The following BMPR2 variants were observed in gnomAD, a reference collection of about 807,000 sequenced individuals.
BMPR2 encodes bone morphogenetic protein receptor type 2, also known as bone morphogenetic protein receptor type-2.
BMPR2 carries 29 observed loss-of-function variants against 100.8 expected under a neutral mutation model. The observed-to-expected ratio is 0.29, with a 90% CI of 0.21 to 0.39. BMPR2 has a LOEUF of 0.39. Among genes scored for constraint, BMPR2 ranks in the 10% least tolerant of loss-of-function variants. The probability of loss-of-function intolerance (pLI) is 1.00; values close to 1 mark genes in which losing one functional copy is unlikely to be tolerated. For synonymous variants in BMPR2, 382 were observed against 442.3 expected, an observed-to-expected ratio of 0.86 and a Z score of 1.71; for missense variants, 1,011 against 1,274.5, an observed-to-expected ratio of 0.79 and a Z score of 3.15.
chr2:202,520,925 A>T (rs879526524), intron 7 of BMPR2: 1 of 154,534 alleles, frequency 6.5e-6, no homozygotes, highest in Non-Finnish European at 1.4e-5. Context: ...GAAAAGGCTG[A>T]AAAGAACATA....
chr2:202,399,174 ACAAGAT>A (rs1033910460), intron 1 of BMPR2, among the ~76,000 whole-genome samples: 2 of 152,166 alleles, frequency 1.3e-5, no homozygotes, highest in Admixed American at 6.5e-5. Flanking sequence ...ACATAAAGGA[ACAAGAT>A]CATTAGAGAT....
chr2:202,434,498 C>T (rs1182685618), intron 1 of BMPR2, among the ~76,000 whole-genome samples: 2 of 150,456 alleles, frequency 1.3e-5, no homozygotes, highest in Non-Finnish European at 2.9e-5. Context: ...GAGTCCTTCT[C>T]CACCATGACA....
At chr2:202,535,345 A>G (rs1293120729) in intron 9 of BMPR2, among the ~76,000 whole-genome samples, 8 of 146,846 alleles carry the variant, frequency 5.4e-5, no homozygotes, top group African/African-American at 2.0e-4. Flanking sequence ...GTTGCCAGGC[A>G]GAGGGTCTCC....
chr2:202,383,046 A>G (rs1466692564), intron 1 of BMPR2, among the ~76,000 whole-genome samples: 2 of 152,212 alleles, frequency 1.3e-5, no homozygotes, highest in East Asian at 1.9e-4. Context: ...TACTTAATCT[A>G]TATCTTTTAT....
rs1690172688 is a variant in BMPR2, at chr2:202,377,419, C to G, written c.-56C>G. On this transcript the variant is annotated 5_prime_UTR_variant, in exon 1 of 13. Transcript: ENST00000374580. ...ACGAGCCTCCCGGCTGTTTCTCCGC[C>G]GGTCTACTTCCCATATTTCTTTTCT... 1.3e-6 allele frequency: 2 copies of G among 1,556,430 alleles called. No individual in the cohort carries two copies. Among genetic ancestry groups the G allele is most frequent in the African/African-American group, 2.7e-5 (2 of 73,784 alleles).
In BMPR2 at chr2:202,509,878, A is replaced by G. The variant is rs374092301; in HGVS notation, c.419-3841A>G. 1.5e-4 allele frequency among the ~76,000 whole-genome samples: 23 copies of G among 152,262 alleles called. No individual in the cohort carries two copies. In the East Asian group the frequency reaches 3.5e-3, roughly 23 times the overall value. ...ATATGGTTCAGTTCTTTTGGGAATT[A>G]TAACATTGGATATCTTAACTCATTT... On this transcript the variant is annotated intron_variant, in intron 3 of 12. Coordinates refer to ENST00000374580, the MANE Select transcript of BMPR2 (RefSeq NM_001204.7).
At chr2:202,463,087 TCTTTA>T (rs1355821924) in intron 1 of BMPR2, among the ~76,000 whole-genome samples, 1 of 152,194 alleles carries the variant, frequency 6.6e-6, no homozygotes, top group African/African-American at 2.4e-5. Context: ...TTATGCATTG[TCTTTA>T]CTTAACCCAA....
intron 3 of BMPR2, among the ~76,000 whole-genome samples, chr2:202,502,993 A>C (rs563449852): frequency 1.4e-4 from 21 of 152,284 alleles, no homozygotes; most frequent in African/African-American, 5.1e-4. Context: ...AGATGGTCTT[A>C]CAAATGGAAC....
intron 3 of BMPR2, among the ~76,000 whole-genome samples, chr2:202,497,063 T>C (rs909739718): frequency 6.6e-6 from 1 of 152,214 alleles, no homozygotes; most frequent in Non-Finnish European, 1.5e-5. Context: ...GGCCAGCGGC[T>C]GCGGGGGGTG....
At position 202,558,879 on chromosome 2, in the gene BMPR2, T is replaced by C. The variant is rs373162781; in HGVS notation, c.2867-817T>C. 4.2e-4 allele frequency among the ~76,000 whole-genome samples: 50 copies of C among 118,872 alleles called. No individual in the cohort carries two copies. The East Asian group carries it at 7.9e-3, about 19-fold the overall frequency. 78.0% of individuals were successfully genotyped at this position (118,872 alleles called of 152,430 possible). ...TTGCACTCCAGCCTGGCAACAAGAA[T>C]GAAACTCCATCTCAAAAAAAAAAAA... On this transcript the variant is annotated intron_variant, in intron 12 of 12. Transcript: ENST00000374580.
chr2:202,448,924 GGTGTGTGTGTGTGTGTGTGTGTGT>G (rs55680029), intron 1 of BMPR2, among the ~76,000 whole-genome samples: 2 of 142,814 alleles, frequency 1.4e-5, no homozygotes, highest in East Asian at 2.1e-4. Context: ...GTTTAGAATT[GGTGTGTGTGTGTGTGTGTGTGTGT>G]GTGTGTGTGT....
At chr2:202,381,123 C>T (rs1305007774) in intron 1 of BMPR2, among the ~76,000 whole-genome samples, 8 of 151,748 alleles carry the variant, frequency 5.3e-5, no homozygotes, top group East Asian at 1.9e-4. Context: ...TACAGGTGTG[C>T]ACCACCACAC....
intron 4 of BMPR2, 121 bp downstream of exon 4, chr2:202,513,950 G>T: frequency 1.4e-6 from 1 of 730,558 alleles, no homozygotes; most frequent in African/African-American, 1.8e-5. Flanking sequence ...AATACACCCA[G>T]CCTCAATAGT....
intron 3 of BMPR2, among the ~76,000 whole-genome samples, chr2:202,502,119 A>C (rs1245686094): frequency 6.6e-6 from 1 of 152,282 alleles, no homozygotes; most frequent in African/African-American, 2.4e-5. Flanking sequence ...ATAAATGTGT[A>C]TACAGATAGC....
In BMPR2 at chr2:202,564,198, T is replaced by C; in HGVS notation, c.*4252T>C. 6.6e-6 allele frequency: 1 copy of C among 152,358 alleles called. No individual in the cohort carries two copies. Among genetic ancestry groups the C allele is most frequent in the Middle Eastern group, 3.4e-3 (1 of 294 alleles). The allele number at this position is 152,358 out of a possible 1,614,324, so 9.4% of individuals were successfully genotyped here. The stretch of plus-strand genomic sequence containing the variant: ...ATATTTCAATGAGCTTTTCCTTTTT[T>C]CATATTTATGGACATGAATATTTTA... On this transcript the variant is annotated 3_prime_UTR_variant, in exon 13 of 13. Transcript: ENST00000374580.
In BMPR2 at chr2:202,556,287, G is replaced by A. The variant is rs778565989; in HGVS notation, c.2622G>A (p.Glu874=). 2 of 1,614,108 alleles carry A rather than the reference G, an allele frequency of 1.2e-6. No homozygotes were observed. Among genetic ancestry groups the A allele is most frequent in the African/African-American group, 1.3e-5 (1 of 74,942 alleles). The change falls in exon 12 of 13, where the codon GAG becomes GAA. Residue 874 remains glutamate (E), a synonymous_variant. Transcript: ENST00000374580. ...AGCATGAGCCTTTACTGAGACGAGA[G>A]CAACAAGCTGGCCATGATGAAGGTG... ...PDEHEPLLRR[E]QQAGHDEGVL... is the part of the protein sequence containing the mutation.
chr2:202,397,529 C>T (rs1177614990), intron 1 of BMPR2, among the ~76,000 whole-genome samples: 1 of 147,908 alleles, frequency 6.8e-6, no homozygotes, highest in Non-Finnish European at 1.5e-5. Flanking sequence ...GTCAGGGTCT[C>T]TCTCTGTCAC....
At chr2:202,411,833 T>TA (rs1351986785) in intron 1 of BMPR2, among the ~76,000 whole-genome samples, 2 of 152,142 alleles carry the variant, frequency 1.3e-5, no homozygotes, top group Non-Finnish European at 2.9e-5. Flanking sequence ...CCCAGTACTT[T>TA]AAAAAAGTCT....
intron 1 of BMPR2, among the ~76,000 whole-genome samples, chr2:202,399,963 T>C (rs1467123338): frequency 1.3e-5 from 2 of 151,996 alleles, no homozygotes; most frequent in Non-Finnish European, 2.9e-5. Context: ...AATAAAAAAT[T>C]AGCAGGGTGT....
Sources: allele counts gnomAD v4.1 joint callset (sites outside exome capture counted in the v4.1 genomes callset), GRCh38; gene constraint gnomAD v4.1.1; transcripts MANE v1.5; gene names NCBI Gene and HGNC (gene_info 2026-07-23, HGNC 2026-07-21).